Variants in FARP2 observed in about 807,000 individuals in gnomAD.
FARP2 encodes the protein FERM, ARH/RhoGEF and pleckstrin domain protein 2, also known as FERM, ARHGEF and pleckstrin domain-containing protein 2.
A neutral mutation model predicts 130.5 loss-of-function variants in FARP2; 111 were observed. The ratio of observed to expected loss-of-function variants is 0.85; its 90% CI spans 0.73 to 1.00. The LOEUF (loss-of-function observed/expected upper bound fraction) is 1.00. Among genes scored for constraint, FARP2 ranks in the 50% least tolerant of loss-of-function variants. The probability of loss-of-function intolerance (pLI) is 0.00; values close to 1 mark genes in which losing one functional copy is unlikely to be tolerated. For synonymous variants in FARP2, 504 were observed against 516.9 expected (o/e 0.98, Z 0.34); for missense variants, 1,385 against 1,346.3 (o/e 1.03, Z -0.45).
intron 1 of FARP2, among the ~76,000 whole-genome samples, chr2:241,360,072 G>A (rs1225628257): frequency 6.6e-6 from 1 of 151,948 alleles, no homozygotes; most frequent in Non-Finnish European, 1.5e-5. Flanking sequence ...TCACTCCAAG[G>A]CACTTAAATC....
rs944304913 is a variant in FARP2 at position 241,431,595 on chromosome 2, G to A, written c.772-84G>A. 1.1e-5 allele frequency: 8 copies of A among 729,472 alleles called. No individual in the cohort carries two copies. The African/African-American group carries it at 1.4e-4, about 13-fold the overall frequency. The allele number at this position is 729,472 out of a possible 1,614,324, so 45.2% of individuals were successfully genotyped here. A position where few individuals can be genotyped will look rare whatever the true frequency, so the allele number is the denominator to read the frequency against. ...CCAAGTAGAGTGCTGTGTTGGCAAG[G>A]ATGTAATTTAAGCATTCCCTATTTC... On this transcript the variant is annotated intron_variant, in intron 8 of 26. Coordinates refer to ENST00000264042, the MANE Select transcript of FARP2 (RefSeq NM_014808.4).
intron 1 of FARP2, among the ~76,000 whole-genome samples, chr2:241,360,060 A>G (rs964321850): frequency 2.6e-5 from 4 of 151,674 alleles, no homozygotes; most frequent in Non-Finnish European, 5.9e-5. Flanking sequence ...CCCTCACTTT[A>G]CTCACTCCAA....
intron 13 of FARP2, among the ~76,000 whole-genome samples, chr2:241,449,412 G>A (rs889476370): frequency 5.3e-4 from 81 of 152,146 alleles, no homozygotes; most frequent in African/African-American, 1.9e-3. Context: ...CTTGAATTTT[G>A]CCAAGCAGGA....
chr2:241,451,384 A>G (rs1219741021), intron 13 of FARP2, among the ~76,000 whole-genome samples: 1 of 152,194 alleles, frequency 6.6e-6, no homozygotes, highest in Non-Finnish European at 1.5e-5. Flanking sequence ...CATCCCAGCA[A>G]AAGTGCAGAG....
At chr2:241,411,613 A>C (rs2150362297) in intron 6 of FARP2, among the ~76,000 whole-genome samples, 1 of 152,328 alleles carries the variant, frequency 6.6e-6, no homozygotes, top group South Asian at 2.1e-4. Context: ...TAGTTACTTC[A>C]AAAATAAACC....
At chr2:241,410,673 A>ACC (rs2062493582) in intron 5 of FARP2, among the ~76,000 whole-genome samples, 1 of 151,736 alleles carries the variant, frequency 6.6e-6, no homozygotes, top group Non-Finnish European at 1.5e-5. Flanking sequence ...CAGGTGATCC[A>ACC]CCCGCCCCAG....
At chr2:241,420,201 T>A (rs1311266180) in intron 8 of FARP2, among the ~76,000 whole-genome samples, 1 of 152,216 alleles carries the variant, frequency 6.6e-6, no homozygotes, top group Non-Finnish European at 1.5e-5. Flanking sequence ...GGTGCATCCA[T>A]GTGAACAGAA....
chr2:241,406,595 CG>C (rs1009603017), intron 4 of FARP2, among the ~76,000 whole-genome samples: 24 of 150,910 alleles, frequency 1.6e-4, no homozygotes, highest in African/African-American at 5.9e-4. Flanking sequence ...TTCAGGCATG[CG>C]CCACCATATC....
At chr2:241,467,075 C>CA (rs949704013) in intron 17 of FARP2, among the ~76,000 whole-genome samples, 1 of 150,152 alleles carries the variant, frequency 6.7e-6, no homozygotes, top group African/African-American at 2.5e-5. Flanking sequence ...GCCAACATAG[C>CA]AAAACCCCAT....
chr2:241,367,595 G>A (rs1479917582), intron 1 of FARP2, among the ~76,000 whole-genome samples: 1 of 152,136 alleles, frequency 6.6e-6, no homozygotes, highest in Non-Finnish European at 1.5e-5. Context: ...TGAGTGTAGT[G>A]AAATATTAAG....
In FARP2 at chr2:241,434,625, G is replaced by A. The variant is rs534924698; in HGVS notation, c.1031+304G>A. ...CCAGCACTTTGGAAGGCCAAGGCGG[G>A]TGGATCATTTGAGGTCAGGAATTCG... On this transcript the variant is annotated intron_variant, in intron 10 of 26. Coordinates refer to ENST00000264042, the MANE Select transcript of FARP2 (RefSeq NM_014808.4). 1.3e-3 allele frequency among the ~76,000 whole-genome samples: 199 copies of A among 152,356 alleles called. 1 individual carries two copies. Among genetic ancestry groups the A allele is most frequent in the African/African-American group, 4.6e-3 (190 of 41,592 alleles).
At chr2:241,493,255 C>G (rs1323440831) in intron 25 of FARP2, 38 bp from the exon 26 acceptor site, 1 of 1,605,514 alleles carries the variant, frequency 6.2e-7, no homozygotes, top group Non-Finnish European at 8.5e-7. Flanking sequence ...CTGTGGCAAC[C>G]CAGCCCCTGG....
At chr2:241,365,442 A>G (rs890731504) in intron 1 of FARP2, among the ~76,000 whole-genome samples, 9 of 152,218 alleles carry the variant, frequency 5.9e-5, no homozygotes, top group African/African-American at 2.2e-4. Flanking sequence ...TAACCTCTTA[A>G]TATCATCTGA....
intron 1 of FARP2, among the ~76,000 whole-genome samples, chr2:241,366,143 A>ATATATATATATAAG (rs2061315922): frequency 6.9e-6 from 1 of 144,040 alleles, no homozygotes; most frequent in Non-Finnish European, 1.5e-5. Context: ...ATATATACAC[A>ATATATATATATAAG]CACACATATA....
intron 12 of FARP2, among the ~76,000 whole-genome samples, chr2:241,438,386 T>C (rs1385922502): frequency 6.6e-6 from 1 of 152,082 alleles, no homozygotes; most frequent in African/African-American, 2.4e-5. Flanking sequence ...GAGACCTATC[T>C]ATCTGAAGAT....
At chr2:241,453,534 A>G (rs2063739928) in intron 13 of FARP2, among the ~76,000 whole-genome samples, 1 of 151,628 alleles carries the variant, frequency 6.6e-6, no homozygotes, top group South Asian at 2.1e-4. Context: ...AGGCAGGAGA[A>G]TGGCATGAAC....
At chr2:241,492,127 G>T (rs1303368594) in intron 24 of FARP2, among the ~76,000 whole-genome samples, 3 of 152,164 alleles carry the variant, frequency 2.0e-5, no homozygotes, top group African/African-American at 7.2e-5. Context: ...TCCTCAGCCT[G>T]GTGCCCCCAC....
chr2:241,491,691 T>C lies in FARP2; in HGVS notation c.2787+12T>C. On this transcript the variant is annotated intron_variant, in intron 24 of 26. Transcript: ENST00000264042. ...GTGCAGCTGTCGAGGTACGACCGCA[T>C]GAGCACCACCTCAGTGCATCTGGAA... 5.1e-6 allele frequency: 8 copies of C among 1,582,798 alleles called. No homozygotes were observed. Among genetic ancestry groups the C allele is most frequent in the African/African-American group, 1.3e-5 (1 of 74,604 alleles).
chr2:241,481,468 G>T (rs921245163), intron 19 of FARP2, among the ~76,000 whole-genome samples: 4 of 152,180 alleles, frequency 2.6e-5, no homozygotes, highest in Admixed American at 6.5e-5. Flanking sequence ...TTAGAAGAAG[G>T]TATTGAAAAT....
Sources: gnomAD v4.1 joint callset for allele counts (sites outside exome capture counted in the v4.1 genomes callset) on GRCh38, gnomAD v4.1.1 for gene constraint, MANE v1.5 for transcripts, NCBI Gene and HGNC (gene_info 2026-07-23, HGNC 2026-07-21) for gene names.